Variants in UST observed in about 807,000 individuals in gnomAD.
UST encodes the protein uronyl 2-sulfotransferase.
In UST, 21 loss-of-function variants were observed where a neutral mutation model predicts 45.6. The observed-to-expected ratio is 0.46, with a 90% CI of 0.33 to 0.66. The LOEUF (loss-of-function observed/expected upper bound fraction) is 0.66, where lower values mean the gene tolerates loss of function less well. Ranked by LOEUF, UST falls within the 30% of genes least tolerant of loss-of-function variation. UST has a pLI of 0.02. For missense variants in UST, 463 were observed against 512.4 expected, an observed-to-expected ratio of 0.90 and a Z score of 0.93; for synonymous variants, 215 against 200.6, an observed-to-expected ratio of 1.07 and a Z score of -0.61.
intron 1 of UST, among the ~76,000 whole-genome samples, chr6:148,812,620 A>G (rs981187380): frequency 2.6e-5 from 4 of 152,138 alleles, no homozygotes; most frequent in Non-Finnish European, 5.9e-5. Context: ...CCAGCAGGAG[A>G]CTTCAGTTTC....
chr6:148,869,477 C>T (rs1350158534), intron 1 of UST, among the ~76,000 whole-genome samples: 1 of 152,238 alleles, frequency 6.6e-6, no homozygotes, highest in South Asian at 2.1e-4. Context: ...CAATAATTTC[C>T]ACTGCTCTAT....
chr6:148,800,727 C>T lies in UST; in HGVS notation c.247+53050C>T, dbSNP rs902247292. 3.3e-5 allele frequency among the ~76,000 whole-genome samples: 5 copies of T among 151,396 alleles called. No homozygotes were observed. In the East Asian group the frequency reaches 9.7e-4, roughly 29 times the overall value. The stretch of plus-strand genomic sequence containing the variant: ...GCACAGAATGCAGCCTCCTCACCCA[C>T]CCTCTTTTTGATTATAGCCAATGAT... On this transcript the variant is annotated intron_variant, in intron 1 of 7. Coordinates refer to ENST00000367463, the MANE Select transcript of UST (RefSeq NM_005715.3).
chr6:149,037,983 T>C (rs1361680200), intron 7 of UST, among the ~76,000 whole-genome samples: 1 of 152,160 alleles, frequency 6.6e-6, no homozygotes, highest in Admixed American at 6.5e-5. Context: ...GGGTTTGGCC[T>C]TCTTGGCTTC....
chr6:148,785,836 T>A (rs1327671622), intron 1 of UST, among the ~76,000 whole-genome samples: 1 of 152,184 alleles, frequency 6.6e-6, no homozygotes. Flanking sequence ...AAAAAGTAGT[T>A]CCTTAAAATA....
intron 5 of UST, among the ~76,000 whole-genome samples, chr6:149,003,559 A>C (rs1332402747): frequency 6.6e-6 from 1 of 152,212 alleles, no homozygotes; most frequent in African/African-American, 2.4e-5. Flanking sequence ...ACAGAAGGAA[A>C]ATGATTGTTA....
chr6:148,771,619 G>A lies in UST; in HGVS notation c.247+23942G>A, dbSNP rs117719416. Among the ~76,000 whole-genome samples the A allele has an allele frequency of 4.7e-3, 716 of 152,268 alleles. 1 individual carries two copies. Among genetic ancestry groups the A allele is most frequent in the Non-Finnish European group, 7.0e-3 (475 of 68,026 alleles). The stretch of plus-strand genomic sequence containing the variant: ...AGGTGGATAGTCCTTTAGATAATGA[G>A]TCGACTATTAGAATTTAAAGGCATC... On this transcript the variant is annotated intron_variant, in intron 1 of 7. Transcript: ENST00000367463.
At chr6:148,885,597 A>G (rs573447672) in intron 1 of UST, among the ~76,000 whole-genome samples, 10 of 152,300 alleles carry the variant, frequency 6.6e-5, no homozygotes, top group Admixed American at 2.6e-4. Flanking sequence ...CTGGACCCTG[A>G]TGTTCCTTTA....
At chr6:148,868,382 C>G (rs768371365) in intron 1 of UST, among the ~76,000 whole-genome samples, 3 of 152,094 alleles carry the variant, frequency 2.0e-5, no homozygotes, top group Non-Finnish European at 2.9e-5. Context: ...TGGTTTTGTC[C>G]AACAGAGCTA....
In UST at chr6:148,944,508, T is replaced by TACACACACACACACACAC. The variant is rs10663979; in HGVS notation, c.447+3096_447+3113dup. 4.2e-5 allele frequency among the ~76,000 whole-genome samples: 6 copies of TACACACACACACACACAC among 142,636 alleles called. No homozygotes were observed. In the South Asian group the frequency reaches 1.2e-3, roughly 28 times the overall value. The allele number at this position is 142,636 out of a possible 152,430, so 93.6% of individuals were successfully genotyped here. A position where few individuals can be genotyped will look rare whatever the true frequency, so the allele number is the denominator to read the frequency against. On this transcript the variant is annotated intron_variant, in intron 3 of 7. Coordinates refer to ENST00000367463, the MANE Select transcript of UST (RefSeq NM_005715.3). ...GCTCTCTGGAGGGTAGTTGTGATCA[T>TACACACACACACACACAC]ACACACACACACACACACACACACA...
intron 2 of UST, among the ~76,000 whole-genome samples, chr6:148,899,076 A>G (rs892766623): frequency 1.3e-5 from 2 of 148,782 alleles, no homozygotes; most frequent in Non-Finnish European, 3.0e-5. Flanking sequence ...CCAATATAGC[A>G]TATAGCTACC....
At chr6:148,853,617 G>A (rs191538735) in intron 1 of UST, among the ~76,000 whole-genome samples, 2 of 152,088 alleles carry the variant, frequency 1.3e-5, no homozygotes, top group Admixed American at 6.5e-5. Context: ...AACCTCACCG[G>A]CATCTGTTCT....
rs28418549 is a variant in UST, at chr6:149,046,144, G to A, written c.937+24663G>A. 1.9e-3 allele frequency among the ~76,000 whole-genome samples: 289 copies of A among 152,286 alleles called. 4 individuals carry two copies. The East Asian group carries it at 0.048, about 25-fold the overall frequency. On this transcript the variant is annotated intron_variant, in intron 7 of 7. Transcript: ENST00000367463. ...AACATACCTGTGCCTGGAGTATATC[G>A]TGCATCCCTGTTTATGGAGCCTAGA... is the stretch of plus-strand genomic sequence containing the variant.
rs140494883 is a variant in UST at position 148,761,635 on chromosome 6, G to A, written c.247+13958G>A. Among the ~76,000 whole-genome samples the A allele has an allele frequency of 2.7e-3, 410 of 152,340 alleles. 2 individuals are homozygous for A. Among genetic ancestry groups the A allele is most frequent in the African/African-American group, 9.2e-3 (384 of 41,582 alleles). ...AAGTGCCGATTGGTGGAGAATGCCC[G>A]GCAGGGCTGAGGAAGGAGGGTGGGC... On this transcript the variant is annotated intron_variant, in intron 1 of 7. Coordinates refer to ENST00000367463, the MANE Select transcript of UST (RefSeq NM_005715.3).
intron 1 of UST, among the ~76,000 whole-genome samples, chr6:148,874,768 T>G (rs1223145891): frequency 6.6e-6 from 1 of 152,204 alleles, no homozygotes; most frequent in African/African-American, 2.4e-5. Context: ...CTGGAGACAT[T>G]TACACAGCAC....
Position 149,033,247 on chromosome 6 carries a change from C to T in UST, c.937+11766C>T, listed in dbSNP as rs531735144. Among the ~76,000 whole-genome samples the T allele has an allele frequency of 2.0e-5, 3 of 152,346 alleles. No individual in the cohort carries two copies. In the South Asian group the frequency reaches 6.2e-4, roughly 32 times the overall value. On this transcript the variant is annotated intron_variant, in intron 7 of 7. Coordinates refer to ENST00000367463, the MANE Select transcript of UST (RefSeq NM_005715.3). ...TGTCTTTGGGCCCTTGGCTCGTGGC[C>T]TTAGCTCTCTGACATTCTTTGCTTA...
intron 5 of UST, among the ~76,000 whole-genome samples, chr6:149,002,158 T>TA (rs149664522): frequency 1.5e-4 from 22 of 149,884 alleles, no homozygotes; most frequent in Admixed American, 2.0e-4. Flanking sequence ...CTTACAATGT[T>TA]AAAAAAAAAA....
chr6:149,013,956 C>T (rs958220944), intron 5 of UST, among the ~76,000 whole-genome samples: 1 of 152,208 alleles, frequency 6.6e-6, no homozygotes, highest in Non-Finnish European at 1.5e-5. Flanking sequence ...ATTAACTCCA[C>T]CTGGGAATTT....
At chr6:149,036,120 C>A (rs1776236630) in intron 7 of UST, among the ~76,000 whole-genome samples, 1 of 152,222 alleles carries the variant, frequency 6.6e-6, no homozygotes, top group Non-Finnish European at 1.5e-5. Flanking sequence ...GTTAGCAAAT[C>A]GGTATGGAGC....
intron 5 of UST, among the ~76,000 whole-genome samples, chr6:148,965,246 C>CG (rs1333042053): frequency 6.6e-6 from 1 of 151,990 alleles, no homozygotes; most frequent in African/African-American, 2.4e-5. Context: ...AAACGGAGGG[C>CG]GGAGTTGCGC....
Sources: allele counts gnomAD v4.1 joint callset (sites outside exome capture counted in the v4.1 genomes callset), GRCh38; gene constraint gnomAD v4.1.1; transcripts MANE v1.5; gene names NCBI Gene and HGNC (gene_info 2026-07-23, HGNC 2026-07-21).